Variants in DNAH3 observed in about 807,000 individuals in gnomAD.
DNAH3 encodes dynein axonemal heavy chain 3, also known as axonemal beta dynein heavy chain 3.
A neutral mutation model predicts 432.5 loss-of-function variants in DNAH3; 332 were observed. That is an observed-to-expected ratio of 0.77 (90% CI 0.70 to 0.84). The LOEUF (loss-of-function observed/expected upper bound fraction) is 0.84, where lower values mean the gene tolerates loss of function less well. DNAH3 is among the 40% of genes least tolerant of loss of function. DNAH3 has a pLI of 0.00. For synonymous variants in DNAH3, 1,956 were observed against 1,900.2 expected (o/e 1.03, Z -0.76); for missense variants, 4,861 against 5,114.0 (o/e 0.95, Z 1.51).
rs1371584780 is a variant in DNAH3 at position 21,157,938 on chromosome 16, TGGC to T, written c.117+1384_117+1386del. On this transcript the variant is annotated intron_variant, in intron 1 of 61. Transcript: ENST00000261383. ...GGTGGGGGGGGGCGGTTCTTGTAAC[TGGC>T]ATCTAATGGGTAGAGGCTAGGATAT... Among the ~76,000 whole-genome samples, 4 of 151,450 alleles carry T rather than the reference TGGC, an allele frequency of 2.6e-5. No individual in the cohort carries two copies. In the East Asian group the frequency reaches 7.8e-4, roughly 30 times the overall value.
intron 50 of DNAH3, among the ~76,000 whole-genome samples, chr16:20,976,823 G>A (rs2085614049): frequency 6.6e-6 from 1 of 152,176 alleles, no homozygotes; most frequent in African/African-American, 2.4e-5. Flanking sequence ...CTGCAAACCA[G>A]GGAAAGAGCC....
intron 58 of DNAH3, among the ~76,000 whole-genome samples, chr16:20,941,922 A>G (rs1254472715): frequency 2.6e-5 from 4 of 151,744 alleles, no homozygotes; most frequent in Non-Finnish European, 5.9e-5. Flanking sequence ...GCCATTAGCC[A>G]TGCATGATGC....
chr16:21,047,058 C>T (rs1293023126), intron 31 of DNAH3, among the ~76,000 whole-genome samples: 10 of 152,194 alleles, frequency 6.6e-5, no homozygotes, highest in African/African-American at 1.4e-4. Flanking sequence ...GTTACTCTGA[C>T]GCGCTTCCCT....
chr16:20,946,430 T>C (rs1316742561), intron 57 of DNAH3, among the ~76,000 whole-genome samples: 2 of 152,144 alleles, frequency 1.3e-5, no homozygotes, highest in Admixed American at 6.5e-5. Flanking sequence ...CTAAAATGTA[T>C]AAAATCAAGC....
intron 51 of DNAH3, among the ~76,000 whole-genome samples, chr16:20,972,921 G>T (rs946060546): frequency 1.3e-5 from 2 of 151,572 alleles, no homozygotes; most frequent in South Asian, 2.1e-4. Context: ...TAGAGACAGG[G>T]TTTCACCATA....
intron 18 of DNAH3, among the ~76,000 whole-genome samples, chr16:21,094,865 T>A (rs979337688): frequency 2.6e-5 from 4 of 152,160 alleles, no homozygotes; most frequent in African/African-American, 9.7e-5. Context: ...TCATGAGAAC[T>A]GATGGTTTTA....
At chr16:21,128,797 T>C (rs534698332) in intron 7 of DNAH3, among the ~76,000 whole-genome samples, 9 of 148,578 alleles carry the variant, frequency 6.1e-5, no homozygotes, top group African/African-American at 2.2e-4. Flanking sequence ...AGGTCAAGGC[T>C]ACAGTGAGCC....
chr16:21,005,305 T>A (rs2087237656), intron 41 of DNAH3, among the ~76,000 whole-genome samples: 2 of 141,404 alleles, frequency 1.4e-5, no homozygotes, highest in South Asian at 5.1e-4. Flanking sequence ...CCTCCTTCCC[T>A]CCTTCCCTCC....
chr16:20,942,495 TAC>T (rs2083859925), intron 58 of DNAH3, among the ~76,000 whole-genome samples: 1 of 152,190 alleles, frequency 6.6e-6, no homozygotes, highest in African/African-American at 2.4e-5. Context: ...TACATCGGGA[TAC>T]ACCAACCAGG....
intron 23 of DNAH3, among the ~76,000 whole-genome samples, chr16:21,068,603 C>T (rs951090989): frequency 1.3e-5 from 2 of 152,194 alleles, no homozygotes; most frequent in African/African-American, 4.8e-5. Context: ...GCGTGAGCCA[C>T]CGCACTCAGC....
In DNAH3 at chr16:21,002,753, G is replaced by A. The variant is rs755123023; in HGVS notation, c.6126+351C>T. On this transcript the variant is annotated intron_variant, in intron 42 of 61. Coordinates refer to ENST00000261383, the Ensembl canonical transcript of DNAH3. ...TGGGATTACAGATGTGAGCCACTGC[G>A]CCTGGCCAGTACCTGGTATTACTGA... is the stretch of plus-strand genomic sequence containing the variant. Among the ~76,000 whole-genome samples the A allele has an allele frequency of 1.6e-4, 24 of 152,148 alleles. No individual in the cohort carries two copies. The Middle Eastern group carries it at 0.01, about 65-fold the overall frequency.
At chr16:21,135,706 G>A (rs978697152) in intron 6 of DNAH3, among the ~76,000 whole-genome samples, 3 of 151,448 alleles carry the variant, frequency 2.0e-5, no homozygotes, top group Non-Finnish European at 2.9e-5. Context: ...CAGCCTGGGC[G>A]ACAGAGCAAG....
intron 12 of DNAH3, among the ~76,000 whole-genome samples, chr16:21,112,521 C>G (rs1456108566): frequency 6.6e-6 from 1 of 152,130 alleles, no homozygotes; most frequent in Non-Finnish European, 1.5e-5. Flanking sequence ...AAAGTGGAAA[C>G]CCCTGATAAA....
At chr16:21,038,202 T>A (rs1352373412) in intron 33 of DNAH3, among the ~76,000 whole-genome samples, 1 of 152,182 alleles carries the variant, frequency 6.6e-6, no homozygotes, top group East Asian at 1.9e-4. Flanking sequence ...GTATGGTATA[T>A]GAAATGATAC....
chr16:21,147,126 T>C (rs139532732), intron 1 of DNAH3, among the ~76,000 whole-genome samples: 121 of 152,204 alleles, frequency 7.9e-4, no homozygotes, highest in African/African-American at 2.8e-3. Context: ...AATTTGAATA[T>C]TTTTCCCCCG....
intron 52 of DNAH3, among the ~76,000 whole-genome samples, chr16:20,966,530 C>T (rs374220736): frequency 2.0e-5 from 3 of 152,190 alleles, no homozygotes; most frequent in African/African-American, 7.2e-5. Context: ...CTTTATAGCA[C>T]TTATTGCAAC....
exon 48 of DNAH3, chr16:20,985,355 T>A: frequency 6.2e-7 from 1 of 1,614,194 alleles, no homozygotes; most frequent in Non-Finnish European, 8.5e-7. Flanking sequence ...CCTGCGTAGT[T>A]CTTGGTGATC....
chr16:20,969,913 C>G, exon 52 of DNAH3: 3 of 1,614,126 alleles, frequency 1.9e-6, no homozygotes, highest in Admixed American at 1.7e-5. Context: ...AGATGTCGGC[C>G]GGGTTCAGGG....
intron 5 of DNAH3, among the ~76,000 whole-genome samples, chr16:21,139,320 C>CTTTGTTTTTTTTT (rs2092687302): frequency 3.4e-5 from 1 of 29,614 alleles, no homozygotes; most frequent in East Asian, 1.4e-3. Flanking sequence ...TTTCCTCATG[C>CTTTGTTTTTTTTT]TTTTTTTTTT....
Sources: allele counts gnomAD v4.1 joint callset (sites outside exome capture counted in the v4.1 genomes callset), GRCh38; gene constraint gnomAD v4.1.1; transcripts MANE v1.5; gene names NCBI Gene and HGNC (gene_info 2026-07-23, HGNC 2026-07-21).